The following CD59 variants were observed in gnomAD, a reference collection of about 807,000 sequenced individuals.
CD59 encodes CD59 glycoprotein.
CD59 carries 3 observed loss-of-function variants against 7.0 expected under a neutral mutation model. The observed-to-expected ratio is 0.43, with a 90% CI of 0.19 to 1.10. CD59 has a LOEUF of 1.10. CD59 is among the 50% of genes least tolerant of loss of function. CD59 has a pLI of 0.29. For missense variants in CD59, 143 were observed against 151.0 expected (o/e 0.95, Z 0.28); for synonymous variants, 60 against 62.0 (o/e 0.97, Z 0.15).
At chr11:33,735,414 G>GT (rs1313121756) in intron 1 of CD59, among the ~76,000 whole-genome samples, 6 of 151,460 alleles carry the variant, frequency 4.0e-5, no homozygotes, top group Non-Finnish European at 7.4e-5. Flanking sequence ...CTTAATGTTG[G>GT]TTTTTTTTGT....
intron 3 of CD59, among the ~76,000 whole-genome samples, chr11:33,711,915 G>A (rs1853576267): frequency 6.6e-6 from 1 of 152,206 alleles, no homozygotes; most frequent in South Asian, 2.1e-4. Context: ...TGGTGGGAAT[G>A]TAAAATGGTG....
rs36093484 is a variant in CD59, at chr11:33,704,744, C to A, written c.*5382G>T. 37,088 of 152,358 alleles carry A rather than the reference C, an allele frequency of 0.24. 5,005 individuals carry two copies. The highest frequency in any genetic ancestry group is 0.32 in the Middle Eastern group (94 of 294). The allele number at this position is 152,358 out of a possible 1,614,324, so 9.4% of individuals were successfully genotyped here. On this transcript the variant is annotated 3_prime_UTR_variant, in exon 4 of 4. Transcript: ENST00000642928. ...TCTAGAGGCCAGGGTGTTTGGACAG[C>A]CTCCAAATTGTCACCCTAGCCTTCA...
chr11:33,711,187 C>G (rs1590515571), intron 3 of CD59, among the ~76,000 whole-genome samples: 1 of 152,108 alleles, frequency 6.6e-6, no homozygotes, highest in African/African-American at 2.4e-5. Context: ...ATGTAAACCA[C>G]CAGGTGCGGT....
At chr11:33,711,585 G>C (rs913898564) in intron 3 of CD59, 1 of 577,574 alleles carries the variant, frequency 1.7e-6, no homozygotes, top group Non-Finnish European at 3.0e-6. Flanking sequence ...GCTGAGGCAG[G>C]AGGATCACTT....
chr11:33,714,051 T>C (rs893291391), intron 3 of CD59, among the ~76,000 whole-genome samples: 1 of 152,260 alleles, frequency 6.6e-6, no homozygotes, highest in African/African-American at 2.4e-5. Context: ...CAAGACTAAG[T>C]ACATTTAACC....
intron 3 of CD59, among the ~76,000 whole-genome samples, chr11:33,716,468 T>C (rs557077434): frequency 3.9e-5 from 6 of 152,312 alleles, no homozygotes; most frequent in South Asian, 2.1e-4. Context: ...ATTAATCTCT[T>C]AGAAATCTAA....
rs1008720268 is a variant in CD59, at chr11:33,723,546, A to T, written c.-18-1083T>A. On this transcript the variant is annotated intron_variant, in intron 1 of 3. Transcript: ENST00000642928. Reference sequence around the variant, plus strand: ...GATGGGGGTGGTGGAGATGAGAAAGAGGTGGTTTTATGATATGTGAGGAAC... The same window carrying T: ...GATGGGGGTGGTGGAGATGAGAAAGTGGTGGTTTTATGATATGTGAGGAAC... 2.0e-5 allele frequency among the ~76,000 whole-genome samples: 3 copies of T among 152,332 alleles called. No homozygotes were observed. The South Asian group carries it at 6.2e-4, about 32-fold the overall frequency.
intron 3 of CD59, among the ~76,000 whole-genome samples, chr11:33,713,725 T>C (rs1466051062): frequency 6.6e-6 from 1 of 152,234 alleles, no homozygotes; most frequent in Admixed American, 6.5e-5. Flanking sequence ...TTATGAATAA[T>C]TGCTACCAAT....
At chr11:33,715,810 C>T (rs1853764153) in intron 3 of CD59, among the ~76,000 whole-genome samples, 1 of 152,178 alleles carries the variant, frequency 6.6e-6, no homozygotes, top group African/African-American at 2.4e-5. Flanking sequence ...CCTCTGCTGT[C>T]CAACACATAC....
intron 2 of CD59, among the ~76,000 whole-genome samples, chr11:33,721,029 G>A (rs1854036587): frequency 6.6e-6 from 1 of 152,220 alleles, no homozygotes; most frequent in African/African-American, 2.4e-5. Context: ...ACTGCTGGAA[G>A]TAGGATGTCA....
chr11:33,710,484 G>A (rs1853496375), intron 3 of CD59, 141 bp from the exon 4 acceptor site: 8 of 719,518 alleles, frequency 1.1e-5, no homozygotes, highest in African/African-American at 1.7e-5. Context: ...GGGTTGTAAA[G>A]GAGAACAATT....
At chr11:33,714,703 T>C (rs1057375701) in intron 3 of CD59, among the ~76,000 whole-genome samples, 8 of 152,166 alleles carry the variant, frequency 5.3e-5, no homozygotes, top group African/African-American at 1.9e-4. Flanking sequence ...ATAAGCTTTT[T>C]TATTTAAAAA....
intron 1 of CD59, among the ~76,000 whole-genome samples, chr11:33,730,341 G>C (rs1454653574): frequency 6.6e-6 from 1 of 152,110 alleles, no homozygotes; most frequent in Non-Finnish European, 1.5e-5. Flanking sequence ...CTTGAGCCTG[G>C]GAGGTTGAGG....
At chr11:33,723,362 C>T (rs1214941471) in intron 1 of CD59, among the ~76,000 whole-genome samples, 1 of 152,186 alleles carries the variant, frequency 6.6e-6, no homozygotes, top group African/African-American at 2.4e-5. Context: ...ACTGACAATC[C>T]TGACAATCAT....
rs1387051554 is a variant in CD59 at position 33,708,664 on chromosome 11, A to C, written c.*1462T>G. ...ACTGAGCTAACAGAGAACACAGAGC[A>C]CCAAGGTAATGCTAAGTTTTGATAA... On this transcript the variant is annotated 3_prime_UTR_variant, in exon 4 of 4. Coordinates refer to ENST00000642928, the MANE Select transcript of CD59 (RefSeq NM_000611.6). 2 of 151,966 alleles carry C rather than the reference A, an allele frequency of 1.3e-5. No homozygotes were observed. The highest frequency in any genetic ancestry group is 2.9e-5 in the Non-Finnish European group (2 of 68,002). 9.4% of individuals were successfully genotyped at this position (151,966 alleles called of 1,614,324 possible).
At chr11:33,722,643 T>G (rs1028708072) in intron 1 of CD59, 180 bp from the exon 2 acceptor site, 1 of 1,457,348 alleles carries the variant, frequency 6.9e-7, no homozygotes, top group Non-Finnish European at 9.1e-7. Flanking sequence ...TACCCTTGAG[T>G]AGGCTCAGTC....
At chr11:33,722,665 C>A in intron 1 of CD59, 1 of 1,407,436 alleles carries the variant, frequency 7.1e-7, no homozygotes. Flanking sequence ...CTATAAGCCC[C>A]AGTGTGTACT....
At chr11:33,717,322 C>T (rs1408977625) in intron 3 of CD59, 48 bp downstream of exon 3, 4 of 1,224,274 alleles carry the variant, frequency 3.3e-6, no homozygotes, top group Non-Finnish European at 4.8e-6. Context: ...TTTTCCCAGG[C>T]ACTTATTACC....
chr11:33,732,741 G>C (rs542955075), intron 1 of CD59, among the ~76,000 whole-genome samples: 39 of 152,250 alleles, frequency 2.6e-4, no homozygotes, highest in Admixed American at 5.9e-4. Context: ...ACAAGATTGA[G>C]GAAGAGAACT....
Sources: gnomAD v4.1 joint callset for allele counts (sites outside exome capture counted in the v4.1 genomes callset) on GRCh38, gnomAD v4.1.1 for gene constraint, MANE v1.5 for transcripts, NCBI Gene and HGNC (gene_info 2026-07-23, HGNC 2026-07-21) for gene names.